SVOP: variants seen among roughly 807,000 people sequenced by gnomAD.
The protein encoded by SVOP is SV2 related protein, also known as synaptic vesicle 2-related protein.
SVOP carries 17 observed loss-of-function variants against 69.1 expected under a neutral mutation model. The observed-to-expected ratio is 0.25, with a 90% CI of 0.17 to 0.37. The LOEUF (loss-of-function observed/expected upper bound fraction) is 0.37, where lower values mean the gene tolerates loss of function less well. Ranked by LOEUF, SVOP falls within the 10% of genes least tolerant of loss-of-function variation. The pLI, the probability that SVOP is intolerant of heterozygous loss-of-function variation, is 1.00. For synonymous variants in SVOP, 238 were observed against 238.6 expected (o/e 1.00, Z 0.02); for missense variants, 435 against 597.5 (o/e 0.73, Z 2.84).
chr12:108,912,774 T>A, intron 15 of SVOP, 33 bp from the exon 16 acceptor site: 5 of 1,600,496 alleles, frequency 3.1e-6, no homozygotes, highest in Non-Finnish European at 4.3e-6. Flanking sequence ...GGTGAAAGCA[T>A]CCCTTCTGAA....
chr12:108,980,958 T>A (rs886117986), intron 2 of SVOP, among the ~76,000 whole-genome samples: 14 of 152,256 alleles, frequency 9.2e-5, no homozygotes, highest in African/African-American at 3.1e-4. Flanking sequence ...GGATGCTGGG[T>A]GGCCCCGTGG....
intron 1 of SVOP, among the ~76,000 whole-genome samples, chr12:108,997,483 T>G (rs922044276): frequency 3.2e-4 from 49 of 152,184 alleles, no homozygotes; most frequent in African/African-American, 1.1e-3. Context: ...CCTGCCTGCC[T>G]CTGTAGGCTC....
At chr12:108,919,624 C>T in intron 13 of SVOP, 51 bp downstream of exon 13, 1 of 1,465,924 alleles carries the variant, frequency 6.8e-7, no homozygotes, top group Non-Finnish European at 9.3e-7. Context: ...ACACCTGCAC[C>T]CACACCTCCA....
intron 2 of SVOP, among the ~76,000 whole-genome samples, chr12:108,981,158 G>T (rs1459570992): frequency 6.6e-6 from 1 of 152,172 alleles, no homozygotes; most frequent in African/African-American, 2.4e-5. Flanking sequence ...CTATTGTGGG[G>T]CATTTACTGG....
Position 108,910,808 on chromosome 12 carries a change from T to C in SVOP, c.*1727A>G, listed in dbSNP as rs898590819. ...ACTAAAGCATTGAGATGAATTCCGA[T>C]GAACAAAGGTAGTCAGACCGTTAGG... On this transcript the variant is annotated 3_prime_UTR_variant, in exon 16 of 16. Coordinates refer to ENST00000610966, the MANE Select transcript of SVOP (RefSeq NM_018711.5). 1.2e-4 allele frequency: 18 copies of C among 152,240 alleles called. No individual in the cohort carries two copies. Among genetic ancestry groups the C allele is most frequent in the African/African-American group, 4.3e-4 (18 of 41,458 alleles). The allele number at this position is 152,240 out of a possible 1,614,324, so 9.4% of individuals were successfully genotyped here. A position where few individuals can be genotyped will look rare whatever the true frequency, so the allele number is the denominator to read the frequency against.
At chr12:108,985,664 C>A (rs1488031110) in intron 1 of SVOP, among the ~76,000 whole-genome samples, 1 of 151,858 alleles carries the variant, frequency 6.6e-6, no homozygotes, top group Non-Finnish European at 1.5e-5. Flanking sequence ...GAGCAAGATC[C>A]TAGGATTTTA....
intron 1 of SVOP, among the ~76,000 whole-genome samples, chr12:108,988,172 A>G (rs143759159): frequency 1.6e-4 from 25 of 151,844 alleles, no homozygotes; most frequent in African/African-American, 5.1e-4. Context: ...CGATCTACCC[A>G]CCTTGGCCTC....
rs1028208001 is a variant in SVOP at position 108,994,984 on chromosome 12, A to G, written c.36-11223T>C. Among the ~76,000 whole-genome samples, 4 of 152,142 alleles carry G rather than the reference A, an allele frequency of 2.6e-5. No individual in the cohort carries two copies. In the East Asian group the frequency reaches 7.7e-4, roughly 29 times the overall value. On this transcript the variant is annotated intron_variant, in intron 1 of 15. Transcript: ENST00000610966. ...AGTAAGACCCTCATCTCAACAAAAA[A>G]TTTTTAAAAAATTAGCTGGGCATGG...
intron 15 of SVOP, among the ~76,000 whole-genome samples, chr12:108,915,228 T>C (rs2039706501): frequency 6.6e-6 from 1 of 151,706 alleles, no homozygotes; most frequent in African/African-American, 2.4e-5. Flanking sequence ...CACTGCAGGT[T>C]TGTTACACAG....
intron 1 of SVOP, among the ~76,000 whole-genome samples, chr12:108,988,545 G>A (rs142808848): frequency 2.0e-5 from 3 of 152,152 alleles, no homozygotes; most frequent in African/African-American, 7.2e-5. Flanking sequence ...CATATGATTC[G>A]AGAATTTATT....
intron 11 of SVOP, among the ~76,000 whole-genome samples, chr12:108,923,393 C>T (rs537225610): frequency 6.6e-6 from 1 of 152,136 alleles, no homozygotes; most frequent in African/African-American, 2.4e-5. Flanking sequence ...CTGAGGGCAG[C>T]CTCAGTTGAC....
intron 4 of SVOP, among the ~76,000 whole-genome samples, chr12:108,973,006 T>C (rs541625857): frequency 6.6e-6 from 1 of 152,146 alleles, no homozygotes; most frequent in Admixed American, 6.5e-5. Flanking sequence ...ATCCTACTCA[T>C]ATGACAGAAT....
chr12:109,007,101 G>A (rs926321450), intron 1 of SVOP, among the ~76,000 whole-genome samples: 1 of 152,086 alleles, frequency 6.6e-6, no homozygotes, highest in African/African-American at 2.4e-5. Context: ...ATCTTCATAG[G>A]GAGGCTCCTC....
intron 5 of SVOP, among the ~76,000 whole-genome samples, chr12:108,964,601 C>T (rs2040034741): frequency 1.3e-5 from 2 of 152,098 alleles, no homozygotes; most frequent in African/African-American, 4.8e-5. Context: ...CCAGCTGCCC[C>T]AAAATGAGGG....
chr12:108,935,759 A>C (rs2039852675), intron 10 of SVOP, among the ~76,000 whole-genome samples: 1 of 152,198 alleles, frequency 6.6e-6, no homozygotes, highest in Non-Finnish European at 1.5e-5. Context: ...TGGTGCAAAG[A>C]GACTTGAAAG....
Position 109,003,014 on chromosome 12 carries a change from T to TAAAAATA in SVOP, c.35+17819_35+17820insTATTTTT, listed in dbSNP as rs1555253348. 5.5e-4 allele frequency among the ~76,000 whole-genome samples: 82 copies of TAAAAATA among 150,342 alleles called. 1 individual carries two copies. The highest frequency in any genetic ancestry group is 3.7e-3 in the East Asian group (19 of 5,156). ...ATAAATAAATAAATAAAAATAAAAA[T>TAAAAATA]AAAAAAACAAGAAATGCAGAGTCTC... On this transcript the variant is annotated intron_variant, in intron 1 of 15. Transcript: ENST00000610966.
intron 2 of SVOP, among the ~76,000 whole-genome samples, chr12:108,979,868 T>C (rs1443180809): frequency 6.6e-6 from 1 of 152,192 alleles, no homozygotes; most frequent in Non-Finnish European, 1.5e-5. Context: ...CTAATAAGTG[T>C]TTTTGAAACA....
intron 1 of SVOP, among the ~76,000 whole-genome samples, chr12:109,015,877 A>G (rs1157137844): frequency 6.6e-6 from 1 of 152,162 alleles, no homozygotes; most frequent in African/African-American, 2.4e-5. Context: ...AAATGGGACA[A>G]ATGGAGTTGT....
At chr12:108,981,770 A>G (rs1270933379) in intron 2 of SVOP, among the ~76,000 whole-genome samples, 1 of 152,136 alleles carries the variant, frequency 6.6e-6, no homozygotes, top group Non-Finnish European at 1.5e-5. Context: ...CACATAATAA[A>G]TCCTCAGTCA....
Sources: allele counts gnomAD v4.1 joint callset (sites outside exome capture counted in the v4.1 genomes callset), GRCh38; gene constraint gnomAD v4.1.1; transcripts MANE v1.5; gene names NCBI Gene and HGNC (gene_info 2026-07-23, HGNC 2026-07-21).